KCTD8: variants seen among roughly 807,000 people sequenced by gnomAD.
KCTD8 encodes the protein potassium channel tetramerization domain containing 8.
In KCTD8, 27 loss-of-function variants were observed where a neutral mutation model predicts 31.5. That is an observed-to-expected ratio of 0.86 (90% CI 0.63 to 1.18). The LOEUF (loss-of-function observed/expected upper bound fraction) is 1.18, where lower values mean the gene tolerates loss of function less well. Among genes scored for constraint, KCTD8 ranks in the 50% most tolerant of loss-of-function variants. The pLI, the probability that KCTD8 is intolerant of heterozygous loss-of-function variation, is 0.00. For missense variants in KCTD8, 658 were observed against 647.7 expected (o/e 1.02, Z -0.17); for synonymous variants, 290 against 280.0 (o/e 1.04, Z -0.36).
At chr4:44,235,986 T>G (rs1715279909) in intron 1 of KCTD8, among the ~76,000 whole-genome samples, 1 of 151,998 alleles carries the variant, frequency 6.6e-6, no homozygotes, top group South Asian at 2.1e-4. Context: ...CAAGAGATGA[T>G]GAAACACTAC....
At chr4:44,295,418 A>G (rs1476728184) in intron 1 of KCTD8, among the ~76,000 whole-genome samples, 1 of 152,162 alleles carries the variant, frequency 6.6e-6, no homozygotes, top group Non-Finnish European at 1.5e-5. Context: ...TCTTAAATCT[A>G]AGACCCAAGA....
At chr4:44,331,993 A>C (rs1034101277) in intron 1 of KCTD8, among the ~76,000 whole-genome samples, 2 of 151,830 alleles carry the variant, frequency 1.3e-5, no homozygotes, top group African/African-American at 4.8e-5. Flanking sequence ...GTAATAAAAA[A>C]ATTAAAATAC....
At chr4:44,180,522 C>A (rs1326121024) in intron 1 of KCTD8, among the ~76,000 whole-genome samples, 4 of 151,856 alleles carry the variant, frequency 2.6e-5, no homozygotes, top group East Asian at 1.9e-4. Context: ...AGGAGATCTG[C>A]AAACCAGCTA....
At chr4:44,346,554 T>A (rs778815355) in intron 1 of KCTD8, among the ~76,000 whole-genome samples, 1 of 152,190 alleles carries the variant, frequency 6.6e-6, no homozygotes, top group Non-Finnish European at 1.5e-5. Flanking sequence ...CAGAGGTTAT[T>A]TTTATTGGCA....
chr4:44,364,169 T>C (rs941923666), intron 1 of KCTD8, among the ~76,000 whole-genome samples: 18 of 152,104 alleles, frequency 1.2e-4, no homozygotes, highest in East Asian at 3.9e-4. Flanking sequence ...GGGAATATGT[T>C]TGCAAAACAC....
At chr4:44,221,888 G>A (rs1270938131) in intron 1 of KCTD8, among the ~76,000 whole-genome samples, 5 of 151,944 alleles carry the variant, frequency 3.3e-5, no homozygotes, top group African/African-American at 7.3e-5. Flanking sequence ...GACACACCCC[G>A]GAACAAATAC....
intron 1 of KCTD8, among the ~76,000 whole-genome samples, chr4:44,348,671 A>G (rs1308986399): frequency 6.6e-6 from 1 of 152,212 alleles, no homozygotes; most frequent in Non-Finnish European, 1.5e-5. Context: ...GAACATCATT[A>G]AAGTCTACAC....
intron 1 of KCTD8, among the ~76,000 whole-genome samples, chr4:44,323,463 C>T (rs1718352236): frequency 6.6e-6 from 1 of 150,802 alleles, no homozygotes; most frequent in Admixed American, 6.6e-5. Context: ...CACTGCACTC[C>T]AGCCTGGGCG....
intron 1 of KCTD8, among the ~76,000 whole-genome samples, chr4:44,417,794 A>C (rs188017564): frequency 0.037 from 389 of 10,578 alleles, 4 homozygotes; most frequent in African/African-American, 0.081. Context: ...TCCACATGGA[A>C]AAGGAAGTCC....
chr4:44,214,780 CCTGCCTGAAGACAAGA>C (rs1299058525), intron 1 of KCTD8, among the ~76,000 whole-genome samples: 4 of 152,150 alleles, frequency 2.6e-5, no homozygotes. Flanking sequence ...AAACTGCCTT[CCTGCCTGAAGACAAGA>C]CTGCCTTTTC....
chr4:44,185,842 T>C (rs1407523154), intron 1 of KCTD8, among the ~76,000 whole-genome samples: 1 of 151,836 alleles, frequency 6.6e-6, no homozygotes. Context: ...CTGTACTCAG[T>C]TTAACTTTCA....
In KCTD8 at chr4:44,275,475, A is replaced by G. The variant is rs540638796; in HGVS notation, c.962-100225T>C. ...AAAAGCATGGAAACAGAAGTGATCA[A>G]AAGTTTTTGAGAATTTCTAAAGCTT... is the stretch of plus-strand genomic sequence containing the variant. On this transcript the variant is annotated intron_variant, in intron 1 of 1. Coordinates refer to ENST00000360029, the MANE Select transcript of KCTD8 (RefSeq NM_198353.3). Among the ~76,000 whole-genome samples the G allele has an allele frequency of 3.9e-5, 6 of 152,162 alleles. No homozygotes were observed. In the East Asian group the frequency reaches 1.2e-3, roughly 30 times the overall value.
At chr4:44,421,240 A>C (rs1721202845) in intron 1 of KCTD8, among the ~76,000 whole-genome samples, 1 of 152,100 alleles carries the variant, frequency 6.6e-6, no homozygotes, top group South Asian at 2.1e-4. Context: ...AAAAACTTTA[A>C]AGACTTCGAA....
At chr4:44,335,021 A>G (rs1007998120) in intron 1 of KCTD8, among the ~76,000 whole-genome samples, 1 of 152,154 alleles carries the variant, frequency 6.6e-6, no homozygotes, top group Non-Finnish European at 1.5e-5. Context: ...TTAGATGACA[A>G]TGAAAAGGAG....
chr4:44,349,093 C>T (rs1297592598), intron 1 of KCTD8, among the ~76,000 whole-genome samples: 1 of 132,044 alleles, frequency 7.6e-6, no homozygotes, highest in Non-Finnish European at 1.7e-5. Context: ...ACCACCACCA[C>T]CACTACCACC....
chr4:44,416,891 T>A (rs1344033584), intron 1 of KCTD8, among the ~76,000 whole-genome samples: 1 of 152,246 alleles, frequency 6.6e-6, no homozygotes, highest in Non-Finnish European at 1.5e-5. Flanking sequence ...ATGTTTTTAA[T>A]CTACTTCAGG....
chr4:44,370,311 T>G (rs1476440041), intron 1 of KCTD8, among the ~76,000 whole-genome samples: 2 of 152,184 alleles, frequency 1.3e-5, no homozygotes, highest in African/African-American at 4.8e-5. Context: ...TGCTCTCACA[T>G]GTTTGGGAAG....
chr4:44,198,052 C>T (rs1713998845), intron 1 of KCTD8, among the ~76,000 whole-genome samples: 1 of 152,124 alleles, frequency 6.6e-6, no homozygotes, highest in Admixed American at 6.5e-5. Flanking sequence ...AGGAAAGAAT[C>T]TCAGAGCTCA....
At chr4:44,212,519 C>A (rs766553389) in intron 1 of KCTD8, among the ~76,000 whole-genome samples, 4 of 152,026 alleles carry the variant, frequency 2.6e-5, no homozygotes, top group Non-Finnish European at 4.4e-5. Context: ...TTTTGGATCC[C>A]AAGAATTCTA....
Sources: allele counts gnomAD v4.1 joint callset (sites outside exome capture counted in the v4.1 genomes callset), GRCh38; gene constraint gnomAD v4.1.1; transcripts MANE v1.5; gene names NCBI Gene and HGNC (gene_info 2026-07-23, HGNC 2026-07-21).